The following FMNL3 variants were observed in gnomAD, a reference collection of about 807,000 sequenced individuals.
The protein encoded by FMNL3 is formin-like protein 3.
A neutral mutation model predicts 119.6 loss-of-function variants in FMNL3; 57 were observed. That is an observed-to-expected ratio of 0.48 (90% CI 0.39 to 0.59). The LOEUF is 0.59. FMNL3 is among the 20% of genes least tolerant of loss of function. The probability of loss-of-function intolerance (pLI) is 0.00; values close to 1 mark genes in which losing one functional copy is unlikely to be tolerated. For synonymous variants in FMNL3, 491 were observed against 507.3 expected (o/e 0.97, Z 0.43); for missense variants, 1,053 against 1,323.5 (o/e 0.80, Z 3.17).
Position 49,643,408 on chromosome 12 carries a change from G to A in FMNL3, c.*2407C>T, listed in dbSNP as rs1346194626. On this transcript the variant is annotated 3_prime_UTR_variant, in exon 26 of 26. Coordinates refer to ENST00000335154, the MANE Select transcript of FMNL3 (RefSeq NM_175736.5). ...ATCTTCTTGGAGCAGGTAAGCAGTTGCTGTGAGCGTAGAAGCTGGAGAACT... is the reference window on the plus strand; with the variant it reads ...ATCTTCTTGGAGCAGGTAAGCAGTTACTGTGAGCGTAGAAGCTGGAGAACT... 6.5e-7 allele frequency: 1 copy of A among 1,542,406 alleles called. No individual in the cohort carries two copies. Among genetic ancestry groups the A allele is most frequent in the Non-Finnish European group, 8.7e-7 (1 of 1,147,206 alleles).
In FMNL3 at chr12:49,648,215, T is replaced by C; in HGVS notation, c.2654A>G (p.Gln885Arg). Residue 885 changes from glutamine to arginine, a missense_variant, in exon 22 of 26, where the codon CAG becomes CGG. By Grantham distance (43) the Gln-to-Arg change is conservative. This residue lies in a region of FMNL3 where 324 missense variants were observed against 380.9 expected (regional missense o/e 0.85). Coordinates refer to ENST00000335154, the MANE Select transcript of FMNL3 (RefSeq NM_175736.5). The stretch of plus-strand genomic sequence containing the variant: ...TGCCTCAGCCGTCTTGGCGTCCCGC[T>C]GGAGCTTGTCTAGTTTGCCTTCATT... ...STNEGKLDKL[Q>R]RDAKTAEEAY... 1 of 1,613,750 alleles carries C rather than the reference T, an allele frequency of 6.2e-7. No individual in the cohort carries two copies. Among genetic ancestry groups the C allele is most frequent in the East Asian group, 2.2e-5 (1 of 44,854 alleles).
At chr12:49,661,840 C>A in intron 5 of FMNL3, 126 bp downstream of exon 5, 1 of 919,060 alleles carries the variant, frequency 1.1e-6, no homozygotes, top group Non-Finnish European at 1.8e-6. Context: ...GCTTGGGCTA[C>A]TCCTTCCTGT....
intron 1 of FMNL3, among the ~76,000 whole-genome samples, chr12:49,678,665 G>A (rs984279232): frequency 3.3e-5 from 5 of 151,994 alleles, no homozygotes; most frequent in South Asian, 2.1e-4. Flanking sequence ...GTTTTGCCAC[G>A]TTGGCTAGGC....
chr12:49,641,783 C>A lies in FMNL3; in HGVS notation c.*4032G>T. 1 of 742,732 alleles carries A rather than the reference C, an allele frequency of 1.3e-6. No homozygotes were observed. The allele number at this position is 742,732 out of a possible 1,614,324, so 46.0% of individuals were successfully genotyped here. ...GGATAACTTGGTTTCTAATGCAGAC[C>A]ACAGTCCTGTGGATCTCTTCCAGAG... On this transcript the variant is annotated 3_prime_UTR_variant, in exon 26 of 26. Transcript: ENST00000335154.
At chr12:49,696,021 G>T (rs1162366459) in intron 1 of FMNL3, among the ~76,000 whole-genome samples, 2 of 152,166 alleles carry the variant, frequency 1.3e-5, no homozygotes, top group African/African-American at 4.8e-5. Context: ...GGCCGTCACT[G>T]CAAGAGGCCA....
At position 49,657,083 on chromosome 12, in the gene FMNL3, T is replaced by C; in HGVS notation, c.713A>G (p.Gln238Arg). ...CTATGGCTAGTGCTTCCCCCTTACC[T>C]GATAGTTCATGATGGCTCTGAGACA... ...ILCLRAIMNY[Q>R]YGFNLVMSHP... The change falls in exon 7 of 26, where the codon CAG becomes CGG. Residue 238 changes from glutamine to arginine, a missense_variant and splice_region_variant. Physicochemically the swap from Gln to Arg is conservative, Grantham distance 43. Coordinates refer to ENST00000335154, the MANE Select transcript of FMNL3 (RefSeq NM_175736.5). 1 of 1,613,858 alleles carries C rather than the reference T, an allele frequency of 6.2e-7. No individual in the cohort carries two copies. The highest frequency in any genetic ancestry group is 2.2e-5 in the East Asian group (1 of 44,884).
chr12:49,692,162 G>A (rs1944623893), intron 1 of FMNL3, among the ~76,000 whole-genome samples: 1 of 151,610 alleles, frequency 6.6e-6, no homozygotes, highest in Non-Finnish European at 1.5e-5. Context: ...AGAACAGCCT[G>A]GGCAACATAG....
chr12:49,694,693 G>A (rs545335647), intron 1 of FMNL3, among the ~76,000 whole-genome samples: 3 of 152,188 alleles, frequency 2.0e-5, no homozygotes, highest in East Asian at 1.9e-4. Context: ...GGTGGATCAC[G>A]AGGTCAGGAG....
rs762038303 is a variant in FMNL3, at chr12:49,665,837, G to A, written c.363C>T (p.His121=). 51 of 1,614,116 alleles carry A rather than the reference G, an allele frequency of 3.2e-5. No homozygotes were observed. Among genetic ancestry groups the A allele is most frequent in the Non-Finnish European group, 4.2e-5 (50 of 1,180,048 alleles). ...RELEISLRTN[H]IGWVREFLND... is the part of the protein sequence containing the mutation. ...ATACGGCCAATCCAACTCACCCAAT[G>A]TGGTTGGTGCGAAGAGAGATCTCCA... Residue 121 remains histidine (H), a synonymous_variant, in exon 4 of 26, where the codon CAC becomes CAT. Coordinates refer to ENST00000335154, the MANE Select transcript of FMNL3 (RefSeq NM_175736.5).
At chr12:49,653,185 C>T (rs1943461304) in intron 13 of FMNL3, 41 bp downstream of exon 13, 1 of 1,581,270 alleles carries the variant, frequency 6.3e-7, no homozygotes, top group African/African-American at 1.3e-5. Context: ...GCGCTGGAGC[C>T]CAGGATCAGT....
rs757592342 is a variant in FMNL3 at position 49,645,780 on chromosome 12, CTG to C, written c.*33_*34del. ...GTCCACTGGTTGGACTTGTAGGACTCTGAGGGGTGAAGTGCTTCTGCCTCCGA... is the reference window on the plus strand; with the variant it reads ...GTCCACTGGTTGGACTTGTAGGACTCAGGGGTGAAGTGCTTCTGCCTCCGA... On this transcript the variant is annotated 3_prime_UTR_variant, in exon 26 of 26. Transcript: ENST00000335154. 1.3e-6 allele frequency: 2 copies of C among 1,571,400 alleles called. No individual in the cohort carries two copies. Among genetic ancestry groups the C allele is most frequent in the African/African-American group, 2.8e-5 (2 of 72,206 alleles).
intron 1 of FMNL3, among the ~76,000 whole-genome samples, chr12:49,670,295 A>T (rs1944009780): frequency 6.6e-6 from 1 of 152,194 alleles, no homozygotes; most frequent in Non-Finnish European, 1.5e-5. Context: ...AATCCCAAAC[A>T]TTTATTCTGT....
At chr12:49,677,809 C>A (rs946330631) in intron 1 of FMNL3, among the ~76,000 whole-genome samples, 1 of 152,180 alleles carries the variant, frequency 6.6e-6, no homozygotes, top group Admixed American at 6.5e-5. Context: ...TCTAATTAGA[C>A]TGTGGAGTCA....
In FMNL3 at chr12:49,684,701, C is replaced by A. The variant is rs187564481; in HGVS notation, c.127-16147G>T. Among the ~76,000 whole-genome samples, 28 of 152,230 alleles carry A rather than the reference C, an allele frequency of 1.8e-4. No individual in the cohort carries two copies. In the East Asian group the frequency reaches 3.9e-3, roughly 21 times the overall value. ...AATAATTAAACAAGCCCAAAGGGAG[C>A]AATTCATAGCTGCTATTGGACCATC... On this transcript the variant is annotated intron_variant, in intron 1 of 25. Transcript: ENST00000335154.
chr12:49,647,229 T>C lies in FMNL3; in HGVS notation c.2871+47A>G, dbSNP rs759920433. On this transcript the variant is annotated intron_variant, in intron 24 of 25. Transcript: ENST00000335154. The surrounding 1 kb of genome is among the most constrained non-coding windows in gnomAD (Gnocchi z 4.9). ...TAGCCTTCTGACCCCCAGCCCCCAC[T>C]CTTTTGCCTTGTCGTCCTCCAGGCC... The C allele has an allele frequency of 1.9e-5, 31 of 1,607,756 alleles. No individual in the cohort carries two copies. The South Asian group carries it at 3.2e-4, about 17-fold the overall frequency.
At chr12:49,682,655 T>C (rs1944366681) in intron 1 of FMNL3, among the ~76,000 whole-genome samples, 1 of 152,180 alleles carries the variant, frequency 6.6e-6, no homozygotes, top group East Asian at 1.9e-4. Flanking sequence ...CCTAATTTCA[T>C]AGTACTTTAA....
rs572799556 is a variant in FMNL3 at position 49,641,959 on chromosome 12, G to A, written c.*3856C>T. The A allele has an allele frequency of 6.8e-6, 11 of 1,613,874 alleles. No individual in the cohort carries two copies. In the East Asian group the frequency reaches 8.9e-5, roughly 13 times the overall value. On this transcript the variant is annotated 3_prime_UTR_variant, in exon 26 of 26. Coordinates refer to ENST00000335154, the MANE Select transcript of FMNL3 (RefSeq NM_175736.5). ...CACGGCCTTTGAGGACTTCGCCCAC[G>A]TCATAAGCTTTGACAAGAGGGCTGC...
chr12:49,665,885 C>G lies in FMNL3; in HGVS notation c.315G>C (p.Glu105Asp). The G allele has an allele frequency of 1.2e-6, 2 of 1,614,206 alleles. No homozygotes were observed. Among genetic ancestry groups the G allele is most frequent in the Non-Finnish European group, 1.7e-6 (2 of 1,180,028 alleles). Residue 105 changes from glutamate (E) to aspartate (D), a missense_variant, in exon 4 of 26, where the codon GAG becomes GAC. By Grantham distance (45) the Glu-to-Asp change is conservative (BLOSUM62 2). Transcript: ENST00000335154. ...CCAGCTCCCTTAGTACTTTGGTTGA[C>G]TCCTGCACCCTCCTCCTGAACTTCT... is the stretch of plus-strand genomic sequence containing the variant. The part of the protein sequence containing the change: ...TRKKFRRRVQ[E>D]STKVLRELEI...
At chr12:49,680,484 C>G (rs1944308053) in intron 1 of FMNL3, among the ~76,000 whole-genome samples, 1 of 152,242 alleles carries the variant, frequency 6.6e-6, no homozygotes, top group Non-Finnish European at 1.5e-5. Context: ...TCAGTCTGCT[C>G]TAGATCCATG....
Sources: gnomAD v4.1 joint callset for allele counts (sites outside exome capture counted in the v4.1 genomes callset) on GRCh38, gnomAD v4.1.1 for gene constraint, gnomAD v4.1.1 regional missense constraint, Gnocchi (gnomAD v3.1) non-coding constraint, MANE v1.5 for transcripts, NCBI Gene and HGNC (gene_info 2026-07-23, HGNC 2026-07-21) for gene names.